Variants in PCDH7 observed in about 807,000 individuals in gnomAD.
PCDH7 encodes the protein protocadherin-7.
In PCDH7, 17 loss-of-function variants were observed where a neutral mutation model predicts 58.9. That is an observed-to-expected ratio of 0.29 (90% CI 0.20 to 0.43). The LOEUF (loss-of-function observed/expected upper bound fraction) is 0.43. PCDH7 is among the 20% of genes least tolerant of loss of function. PCDH7 has a pLI of 1.00. For synonymous variants in PCDH7, 664 were observed against 616.4 expected (o/e 1.08, Z -1.14); for missense variants, 1,274 against 1,441.0 (o/e 0.88, Z 1.88).
intron 1 of PCDH7, among the ~76,000 whole-genome samples, chr4:30,858,430 CT>C (rs1560441591): frequency 1.3e-5 from 2 of 151,902 alleles, no homozygotes; most frequent in African/African-American, 4.8e-5. Context: ...CTTGCTATGT[CT>C]TTTTTGTTGT....
At chr4:31,027,579 C>T (rs1301697361) in intron 3 of PCDH7, among the ~76,000 whole-genome samples, 5 of 152,058 alleles carry the variant, frequency 3.3e-5, no homozygotes, top group Non-Finnish European at 5.9e-5. Flanking sequence ...TGCACCACCA[C>T]GCCCAACTAA....
At chr4:30,793,689 G>A (rs1724422467) in intron 1 of PCDH7, among the ~76,000 whole-genome samples, 1 of 152,078 alleles carries the variant, frequency 6.6e-6, no homozygotes, top group South Asian at 2.1e-4. Context: ...CATTTTGATG[G>A]TATGAAAGAC....
At chr4:31,067,390 A>T (rs1758175126) in intron 3 of PCDH7, among the ~76,000 whole-genome samples, 2 of 151,752 alleles carry the variant, frequency 1.3e-5, no homozygotes, top group Admixed American at 6.6e-5. Context: ...AAAAAAAAAA[A>T]AAAGCCTAAT....
intron 2 of PCDH7, among the ~76,000 whole-genome samples, chr4:30,942,553 T>C (rs967651063): frequency 6.6e-6 from 1 of 152,024 alleles, no homozygotes; most frequent in African/African-American, 2.4e-5. Flanking sequence ...CCTCAAAGAC[T>C]TGAAGATCAA....
chr4:30,797,673 T>C (rs1002569368), intron 1 of PCDH7, among the ~76,000 whole-genome samples: 1 of 152,220 alleles, frequency 6.6e-6, no homozygotes, highest in African/African-American at 2.4e-5. Context: ...AAGATCCTGG[T>C]GTAGTTCATA....
intron 1 of PCDH7, among the ~76,000 whole-genome samples, chr4:30,796,270 T>A (rs1424257356): frequency 2.6e-5 from 4 of 152,250 alleles, no homozygotes; most frequent in Non-Finnish European, 5.9e-5. Flanking sequence ...TTAGATTGAC[T>A]ACTTCTCAAT....
chr4:31,140,620 A>G lies in PCDH7; in HGVS notation c.*8-1853A>G, dbSNP rs528561939. ...ATTTAGGTCAGGTTAAAAAAAAAAA[A>G]AAAAGAAAAGAAAAAAGGATCCCAA... is the stretch of plus-strand genomic sequence containing the variant. On this transcript the variant is annotated intron_variant, in intron 3 of 3. Transcript: ENST00000509759. Among the ~76,000 whole-genome samples, 40 of 151,656 alleles carry G rather than the reference A, an allele frequency of 2.6e-4. No individual in the cohort carries two copies. The East Asian group carries it at 2.9e-3, about 11-fold the overall frequency.
At chr4:30,758,885 T>G (rs911838571) in intron 1 of PCDH7, among the ~76,000 whole-genome samples, 1 of 152,122 alleles carries the variant, frequency 6.6e-6, no homozygotes, top group Non-Finnish European at 1.5e-5. Flanking sequence ...ATAGATAATT[T>G]TTTTGTTGAT....
intron 2 of PCDH7, among the ~76,000 whole-genome samples, chr4:30,936,125 AAAGAT>A (rs1175776881): frequency 6.6e-6 from 1 of 152,092 alleles, no homozygotes; most frequent in African/African-American, 2.4e-5. Flanking sequence ...TACAAAAAGA[AAAGAT>A]AAATAGAGCA....
intron 3 of PCDH7, among the ~76,000 whole-genome samples, chr4:31,082,057 A>T (rs1466659798): frequency 1.3e-5 from 2 of 152,190 alleles, no homozygotes; most frequent in Non-Finnish European, 2.9e-5. Context: ...AAGTGCTGGG[A>T]TTACAGGCGT....
At chr4:30,806,711 A>G (rs1726265269) in intron 1 of PCDH7, among the ~76,000 whole-genome samples, 1 of 151,550 alleles carries the variant, frequency 6.6e-6, no homozygotes, top group African/African-American at 2.4e-5. Context: ...ATTTTATTTC[A>G]AATTCCATGT....
At chr4:30,809,672 T>C (rs1323970845) in intron 1 of PCDH7, among the ~76,000 whole-genome samples, 1 of 152,258 alleles carries the variant, frequency 6.6e-6, no homozygotes, top group Non-Finnish European at 1.5e-5. Flanking sequence ...TACGTCATTC[T>C]GAACCTAGGC....
At chr4:30,894,584 T>TAC (rs780056632) in intron 1 of PCDH7, among the ~76,000 whole-genome samples, 11,903 of 90,272 alleles carry the variant, frequency 0.13, 729 homozygotes, top group Non-Finnish European at 0.17. Context: ...CACACATATA[T>TAC]ACACACACAC....
intron 3 of PCDH7, among the ~76,000 whole-genome samples, chr4:30,969,528 T>C (rs1749363292): frequency 6.6e-6 from 1 of 152,154 alleles, no homozygotes; most frequent in Admixed American, 6.5e-5. Context: ...CAAGGATTAA[T>C]GAAAGAGGTT....
intron 3 of PCDH7, among the ~76,000 whole-genome samples, chr4:31,093,802 C>CT (rs1713584939): frequency 6.6e-6 from 1 of 151,930 alleles, no homozygotes; most frequent in South Asian, 2.1e-4. Context: ...TTTCCTCTAT[C>CT]TTTTTTTGAG....
At chr4:30,820,386 A>T (rs1728234147) in intron 1 of PCDH7, among the ~76,000 whole-genome samples, 1 of 152,146 alleles carries the variant, frequency 6.6e-6, no homozygotes, top group South Asian at 2.1e-4. Flanking sequence ...GTGACACATT[A>T]AACTGAACGG....
intron 1 of PCDH7, among the ~76,000 whole-genome samples, chr4:30,910,335 T>C (rs563686821): frequency 1.3e-5 from 2 of 152,086 alleles, no homozygotes; most frequent in South Asian, 4.2e-4. Context: ...TGGAATCTAA[T>C]TAAAGAGCTT....
chr4:30,824,163 T>TTTCTTTC, intron 1 of PCDH7, among the ~76,000 whole-genome samples: 1 of 142,090 alleles, frequency 7.0e-6, no homozygotes, highest in East Asian at 2.4e-4. Flanking sequence ...TTCTTTCTTT[T>TTTCTTTC]TGCTTCCCTC....
Position 30,750,985 on chromosome 4 carries a change from C to T in PCDH7, c.70+26389C>T, listed in dbSNP as rs191784286. On this transcript the variant is annotated intron_variant, in intron 1 of 3. Coordinates refer to the PCDH7 transcript ENST00000509759. ...TTTTTGGTGCAGGGAAGGAAAAAAA[C>T]GCAAGACTAAAAATTGTCCTGTGTT... is the stretch of plus-strand genomic sequence containing the variant. 6.0e-3 allele frequency among the ~76,000 whole-genome samples: 876 copies of T among 146,276 alleles called. 5 individuals carry two copies. Among genetic ancestry groups the T allele is most frequent in the Middle Eastern group, 0.018 (5 of 284 alleles).
Sources: allele counts gnomAD v4.1 joint callset (sites outside exome capture counted in the v4.1 genomes callset), GRCh38; gene constraint gnomAD v4.1.1; transcripts MANE v1.5; gene names NCBI Gene and HGNC (gene_info 2026-07-23, HGNC 2026-07-21).